Variants in RHEB observed in about 807,000 individuals in gnomAD.
RHEB encodes the protein Ras homolog, mTORC1 binding.
RHEB carries 2 observed loss-of-function variants against 28.8 expected under a neutral mutation model. The observed-to-expected ratio is 0.07, with a 90% CI of 0.03 to 0.22. The LOEUF (loss-of-function observed/expected upper bound fraction) is 0.22, where lower values mean the gene tolerates loss of function less well. Among genes scored for constraint, RHEB ranks in the 10% least tolerant of loss-of-function variants. The pLI is 1.00. For missense variants in RHEB, 76 were observed against 219.9 expected (o/e 0.35, Z 4.14); for synonymous variants, 69 against 77.3 (o/e 0.89, Z 0.56).
chr7:151,512,384 C>T (rs770450164), intron 1 of RHEB, among the ~76,000 whole-genome samples: 2 of 152,152 alleles, frequency 1.3e-5, no homozygotes, highest in African/African-American at 2.4e-5. Flanking sequence ...TCCTGATACT[C>T]GTATTTAAAA....
At chr7:151,497,722 C>T (rs1040457676) in intron 1 of RHEB, among the ~76,000 whole-genome samples, 1 of 152,222 alleles carries the variant, frequency 6.6e-6, no homozygotes, top group Non-Finnish European at 1.5e-5. Flanking sequence ...GTCTGCCTTA[C>T]ACGGTCTGAC....
chr7:151,491,241 C>G (rs1802576176), intron 1 of RHEB, among the ~76,000 whole-genome samples: 1 of 152,144 alleles, frequency 6.6e-6, no homozygotes, highest in Non-Finnish European at 1.5e-5. Flanking sequence ...GTAAACATGT[C>G]TGTGACATTA....
chr7:151,517,990 T>C (rs2088248788), intron 1 of RHEB: 1 of 152,000 alleles, frequency 6.6e-6, no homozygotes, highest in African/African-American at 2.4e-5. Flanking sequence ...GACAAGAGCA[T>C]GGATTCAGGC....
chr7:151,507,796 T>C (rs111480670), intron 1 of RHEB, among the ~76,000 whole-genome samples: 2 of 152,318 alleles, frequency 1.3e-5, no homozygotes, highest in African/African-American at 4.8e-5. Context: ...GGTAACCCTA[T>C]TGCCAATTAT....
chr7:151,478,576 C>T (rs893468844), intron 3 of RHEB, among the ~76,000 whole-genome samples: 1 of 152,000 alleles, frequency 6.6e-6, no homozygotes, highest in East Asian at 1.9e-4. Flanking sequence ...CTAAGAAGCA[C>T]TGAGTAAAAA....
At chr7:151,485,655 G>A (rs888099927) in intron 2 of RHEB, among the ~76,000 whole-genome samples, 1 of 152,092 alleles carries the variant, frequency 6.6e-6, no homozygotes, top group Non-Finnish European at 1.5e-5. Context: ...ACTGAGAGAG[G>A]TCCCACTCTA....
At chr7:151,497,467 T>C (rs2150932518) in intron 1 of RHEB, among the ~76,000 whole-genome samples, 1 of 152,286 alleles carries the variant, frequency 6.6e-6, no homozygotes, top group African/African-American at 2.4e-5. Flanking sequence ...ACCTATCGCC[T>C]CCAGAGTGTT....
intron 3 of RHEB, among the ~76,000 whole-genome samples, chr7:151,479,465 A>C (rs141774982): frequency 6.6e-6 from 1 of 152,090 alleles, no homozygotes; most frequent in African/African-American, 2.4e-5. Flanking sequence ...GGCAGATCAC[A>C]AGGTCAGGAG....
chr7:151,484,225 C>T (rs1802427642), intron 3 of RHEB, among the ~76,000 whole-genome samples: 1 of 152,100 alleles, frequency 6.6e-6, no homozygotes, highest in Non-Finnish European at 1.5e-5. Flanking sequence ...GTACTTTTGC[C>T]CTAATGTAGG....
At chr7:151,482,261 A>G (rs1022160478) in intron 3 of RHEB, among the ~76,000 whole-genome samples, 19 of 152,210 alleles carry the variant, frequency 1.2e-4, no homozygotes, top group African/African-American at 3.6e-4. Context: ...CTTTTATGTA[A>G]AGAGATGGGA....
At chr7:151,513,992 T>C (rs183041594) in intron 1 of RHEB, among the ~76,000 whole-genome samples, 2 of 152,328 alleles carry the variant, frequency 1.3e-5, no homozygotes, top group Non-Finnish European at 2.9e-5. Flanking sequence ...CATATGCCCC[T>C]ATTTAAAAAC....
chr7:151,503,468 G>T, intron 1 of RHEB: 1 of 1,115,698 alleles, frequency 9.0e-7, no homozygotes, highest in Non-Finnish European at 1.4e-6. Context: ...GACTAGACAT[G>T]AGTCTGGCAA....
chr7:151,488,216 A>T (rs1802517892), intron 2 of RHEB, among the ~76,000 whole-genome samples: 1 of 152,236 alleles, frequency 6.6e-6, no homozygotes, highest in Non-Finnish European at 1.5e-5. Context: ...CACTTGCATA[A>T]GTAGTACTTC....
intron 7 of RHEB, among the ~76,000 whole-genome samples, chr7:151,469,646 C>G (rs1431755729): frequency 6.6e-6 from 1 of 152,066 alleles, no homozygotes; most frequent in Non-Finnish European, 1.5e-5. Context: ...CCCACATGAA[C>G]CTAAGTAGAT....
intron 1 of RHEB, among the ~76,000 whole-genome samples, chr7:151,497,412 A>G (rs943383584): frequency 3.9e-5 from 6 of 152,186 alleles, no homozygotes; most frequent in Admixed American, 3.9e-4. Context: ...GCACAGTTCA[A>G]TGTTTAGGAA....
chr7:151,502,386 G>A (rs754055375), intron 1 of RHEB: 19 of 804,234 alleles, frequency 2.4e-5, no homozygotes, highest in Non-Finnish European at 3.6e-5. Flanking sequence ...GGAGTAAACC[G>A]CCATCCAGTC....
chr7:151,471,738 G>C, intron 4 of RHEB, 133 bp from the exon 5 acceptor site: 6 of 641,764 alleles, frequency 9.3e-6, no homozygotes, highest in Middle Eastern at 4.3e-4. Flanking sequence ...TGAACACAAA[G>C]AACTCCTGTT....
At chr7:151,477,863 C>T (rs1045758880) in intron 3 of RHEB, among the ~76,000 whole-genome samples, 1 of 151,934 alleles carries the variant, frequency 6.6e-6, no homozygotes, top group African/African-American at 2.4e-5. Flanking sequence ...TCACAATGAC[C>T]TGAGCTTCAG....
At chr7:151,476,634 T>A (rs1802276815) in intron 4 of RHEB, among the ~76,000 whole-genome samples, 1 of 152,128 alleles carries the variant, frequency 6.6e-6, no homozygotes, top group Non-Finnish European at 1.5e-5. Flanking sequence ...AGTAGCAAAC[T>A]CCCTAACATG....
Sources: gnomAD v4.1 joint callset for allele counts (sites outside exome capture counted in the v4.1 genomes callset) on GRCh38, gnomAD v4.1.1 for gene constraint, MANE v1.5 for transcripts, NCBI Gene and HGNC (gene_info 2026-07-23, HGNC 2026-07-21) for gene names.